Variants in FOCAD observed in about 807,000 individuals in gnomAD.
The protein encoded by FOCAD is focadhesin.
A neutral mutation model predicts 225.6 loss-of-function variants in FOCAD; 198 were observed. That is an observed-to-expected ratio of 0.88 (90% CI 0.78 to 0.99). The LOEUF is 0.99. Among genes scored for constraint, FOCAD ranks in the 50% least tolerant of loss-of-function variants. The pLI is 0.00. For missense variants in FOCAD, 2,713 were observed against 2,123.6 expected (o/e 1.28, Z -5.46); for synonymous variants, 897 against 755.0 (o/e 1.19, Z -3.08).
rs1288233684 is a variant in FOCAD, at chr9:20,920,410, C to T, written c.2853-3250C>T. Among the ~76,000 whole-genome samples the T allele has an allele frequency of 7.2e-5, 9 of 124,712 alleles. No homozygotes were observed. In the South Asian group the frequency reaches 2.9e-3, roughly 40 times the overall value. 81.8% of individuals were successfully genotyped at this position (124,712 alleles called of 152,430 possible). On this transcript the variant is annotated intron_variant, in intron 24 of 43. Coordinates refer to ENST00000338382, the MANE Select transcript of FOCAD (RefSeq NM_001375567.1). Reference sequence around the variant, plus strand: ...CATTGTGGAAGTCAGTGTGGCGATTCCTCAGGGATCTAGAACTAGAAATAC... The same window carrying T: ...CATTGTGGAAGTCAGTGTGGCGATTTCTCAGGGATCTAGAACTAGAAATAC...
intron 15 of FOCAD, among the ~76,000 whole-genome samples, chr9:20,839,976 A>G (rs1174749455): frequency 3.3e-5 from 5 of 152,034 alleles, no homozygotes; most frequent in Non-Finnish European, 7.4e-5. Flanking sequence ...CTCTAGATGT[A>G]TGGATTTATG....
intron 6 of FOCAD, among the ~76,000 whole-genome samples, chr9:20,761,542 T>A (rs1382862617): frequency 6.6e-6 from 1 of 152,134 alleles, no homozygotes; most frequent in African/African-American, 2.4e-5. Context: ...TGCCTCAGCC[T>A]CCTGGGTAGC....
At chr9:20,716,128 A>T (rs774721604) in intron 2 of FOCAD, 2 of 480,420 alleles carry the variant, frequency 4.2e-6, no homozygotes, top group African/African-American at 1.9e-5. Context: ...GTAGTGGGGA[A>T]CCCTTCCATG....
At chr9:20,839,259 C>CTTTTTT (rs71496859) in intron 15 of FOCAD, among the ~76,000 whole-genome samples, 1 of 132,780 alleles carries the variant, frequency 7.5e-6, no homozygotes, top group Non-Finnish European at 1.6e-5. Flanking sequence ...TTCTTTCTTT[C>CTTTTTT]TTTTTTTTTT....
chr9:20,782,037 C>G (rs569009976), intron 10 of FOCAD, 108 bp downstream of exon 10: 1 of 914,710 alleles, frequency 1.1e-6, no homozygotes. Flanking sequence ...TCAGACTTCA[C>G]CATTCAGTCA....
intron 5 of FOCAD, among the ~76,000 whole-genome samples, chr9:20,741,566 A>G (rs1166829855): frequency 1.3e-5 from 2 of 152,130 alleles, no homozygotes; most frequent in African/African-American, 4.8e-5. Flanking sequence ...AATGTGGTAC[A>G]ATGAATTAAT....
chr9:20,725,267 G>T (rs1322806816), intron 4 of FOCAD, among the ~76,000 whole-genome samples: 3 of 152,156 alleles, frequency 2.0e-5, no homozygotes, highest in African/African-American at 7.2e-5. Context: ...ATTTCTACTT[G>T]TCTCTGCCTT....
At chr9:20,807,209 G>T (rs1020090283) in intron 11 of FOCAD, among the ~76,000 whole-genome samples, 1 of 152,204 alleles carries the variant, frequency 6.6e-6, no homozygotes. Flanking sequence ...ATCTGCTACT[G>T]TATATTCCAG....
chr9:20,947,892 T>A (rs1021747277), intron 30 of FOCAD, among the ~76,000 whole-genome samples: 2 of 152,204 alleles, frequency 1.3e-5, no homozygotes, highest in Non-Finnish European at 2.9e-5. Flanking sequence ...ATTTTTCATA[T>A]ACTTTGCTTT....
At position 20,951,112 on chromosome 9, in the gene FOCAD, C is replaced by G; in HGVS notation, c.4051+14C>G. On this transcript the variant is annotated intron_variant, in intron 34 of 43. Coordinates refer to ENST00000338382, the MANE Select transcript of FOCAD (RefSeq NM_001375567.1). Reference sequence around the variant, plus strand: ...GTAGAGCCTCTGGTAAGATTAAAGTCATAAAATACTGGAGCTGGAAGGGAG... The same window carrying G: ...GTAGAGCCTCTGGTAAGATTAAAGTGATAAAATACTGGAGCTGGAAGGGAG... The G allele has an allele frequency of 6.3e-7, 1 of 1,594,056 alleles. No individual in the cohort carries two copies. Among genetic ancestry groups the G allele is most frequent in the Non-Finnish European group, 8.6e-7 (1 of 1,162,072 alleles).
chr9:20,828,941 T>C (rs1825200968), intron 15 of FOCAD, among the ~76,000 whole-genome samples: 1 of 152,144 alleles, frequency 6.6e-6, no homozygotes, highest in South Asian at 2.1e-4. Context: ...TCCAGCTCCA[T>C]CCATGTTCCT....
intron 5 of FOCAD, among the ~76,000 whole-genome samples, chr9:20,746,555 A>G (rs1034893658): frequency 6.6e-6 from 1 of 152,210 alleles, no homozygotes; most frequent in African/African-American, 2.4e-5. Flanking sequence ...ACCCAGATTT[A>G]TCAGTGTTTT....
In FOCAD at chr9:20,765,026, G is replaced by C. The variant is rs747448535; in HGVS notation, c.652G>C (p.Glu218Gln). The change falls in exon 7 of 44, where the codon GAA (glutamate) becomes CAA (glutamine). Residue 218 changes from glutamate to glutamine, a missense_variant. Transcript: ENST00000338382. ...LCDKDQPSIL[E>Q]QQILQLCCDI... The stretch of plus-strand genomic sequence containing the variant: ...TGACAAAGATCAACCATCAATACTG[G>C]AACAGCAGATACTTCAACTGTGTTG... The C allele has an allele frequency of 6.2e-7, 1 of 1,614,062 alleles. No individual in the cohort carries two copies. The highest frequency in any genetic ancestry group is 8.5e-7 in the Non-Finnish European group (1 of 1,179,996).
chr9:20,802,388 C>G (rs1453871914), intron 11 of FOCAD, among the ~76,000 whole-genome samples: 2 of 151,992 alleles, frequency 1.3e-5, no homozygotes, highest in Non-Finnish European at 2.9e-5. Context: ...TTTACACTTC[C>G]TTTTGAAGTG....
chr9:20,949,742 A>G (rs1189017117), intron 33 of FOCAD, 67 bp downstream of exon 33: 9 of 1,239,444 alleles, frequency 7.3e-6, no homozygotes, highest in Non-Finnish European at 1.1e-5. Flanking sequence ...TTTTTCTATT[A>G]CATGATACAA....
intron 4 of FOCAD, 33 bp from the exon 5 acceptor site, chr9:20,740,197 TTTTATC>T: frequency 7.7e-7 from 1 of 1,293,574 alleles, no homozygotes; most frequent in Non-Finnish European, 1.1e-6. Flanking sequence ...AATATTCACT[TTTTATC>T]TATAACATTT....
At chr9:20,875,026 A>G in intron 19 of FOCAD, 1 of 507,278 alleles carries the variant, frequency 2.0e-6, no homozygotes, top group Non-Finnish European at 3.4e-6. Flanking sequence ...TTGAACAAGA[A>G]AACTAGTGTA....
rs186413594 is a variant in FOCAD at position 20,860,683 on chromosome 9, A to C, written c.1921-1895A>C. The stretch of plus-strand genomic sequence containing the variant: ...ATGCCTCCACGCCTGGCTAATTTTT[A>C]TACTTTTAGTAGAGACAGGGTTTCA... On this transcript the variant is annotated intron_variant, in intron 15 of 43. Transcript: ENST00000338382. Among the ~76,000 whole-genome samples the C allele has an allele frequency of 2.0e-5, 3 of 152,126 alleles. No homozygotes were observed. In the East Asian group the frequency reaches 5.8e-4, roughly 29 times the overall value.
chr9:20,759,718 A>G (rs548979925), intron 6 of FOCAD, among the ~76,000 whole-genome samples: 1 of 152,352 alleles, frequency 6.6e-6, no homozygotes, highest in Admixed American at 6.5e-5. Flanking sequence ...AAAATCTACC[A>G]GATTTATTGG....
Sources: gnomAD v4.1 joint callset for allele counts (sites outside exome capture counted in the v4.1 genomes callset) on GRCh38, gnomAD v4.1.1 for gene constraint, MANE v1.5 for transcripts, NCBI Gene and HGNC (gene_info 2026-07-23, HGNC 2026-07-21) for gene names.